Variants in FAM53B observed in about 807,000 individuals in gnomAD.
FAM53B encodes the protein protein FAM53B.
In FAM53B, 12 loss-of-function variants were observed where a neutral mutation model predicts 32.7. That is an observed-to-expected ratio of 0.37 (90% CI 0.24 to 0.59). The LOEUF (loss-of-function observed/expected upper bound fraction) is 0.59. Among genes scored for constraint, FAM53B ranks in the 20% least tolerant of loss-of-function variants. FAM53B has a pLI of 0.72. For synonymous variants in FAM53B, 234 were observed against 228.7 expected (o/e 1.02, Z -0.21); for missense variants, 477 against 577.7 (o/e 0.83, Z 1.79).
At chr10:124,668,429 T>C (rs1412225438) in intron 4 of FAM53B, among the ~76,000 whole-genome samples, 2 of 152,268 alleles carry the variant, frequency 1.3e-5, no homozygotes, top group Non-Finnish European at 2.9e-5. Flanking sequence ...TAGATTACAG[T>C]GAGATGGAAA....
At chr10:124,639,686 C>G (rs1358998948) in intron 4 of FAM53B, among the ~76,000 whole-genome samples, 1 of 152,164 alleles carries the variant, frequency 6.6e-6, no homozygotes, top group African/African-American at 2.4e-5. Context: ...CCCCCCCTTT[C>G]TATATTTTCC....
chr10:124,715,362 C>A (rs530601724), intron 1 of FAM53B, among the ~76,000 whole-genome samples: 1 of 152,280 alleles, frequency 6.6e-6, no homozygotes, highest in Non-Finnish European at 1.5e-5. Flanking sequence ...GGTGGGTAAC[C>A]TGCAGAGGGT....
chr10:124,656,944 C>T (rs1468977058), intron 4 of FAM53B, among the ~76,000 whole-genome samples: 4 of 151,332 alleles, frequency 2.6e-5, no homozygotes, highest in South Asian at 2.1e-4. Flanking sequence ...ATGTAAATGA[C>T]GAGTTAATGG....
chr10:124,665,245 A>G (rs536757888), intron 4 of FAM53B, among the ~76,000 whole-genome samples: 103 of 152,240 alleles, frequency 6.8e-4, no homozygotes, highest in Non-Finnish European at 1.3e-3. Flanking sequence ...AAACTTGTCT[A>G]TCACCTGAGT....
At chr10:124,711,471 G>T (rs1034982249) in intron 1 of FAM53B, among the ~76,000 whole-genome samples, 1 of 152,072 alleles carries the variant, frequency 6.6e-6, no homozygotes, top group Non-Finnish European at 1.5e-5. Flanking sequence ...GGGACAGCGA[G>T]TAAGGGATAT....
intron 4 of FAM53B, among the ~76,000 whole-genome samples, chr10:124,636,550 C>G (rs1949433326): frequency 6.6e-6 from 1 of 152,158 alleles, no homozygotes; most frequent in Non-Finnish European, 1.5e-5. Flanking sequence ...CCCAGGAAAA[C>G]ACTGTTTTGC....
intron 2 of FAM53B, among the ~76,000 whole-genome samples, chr10:124,702,102 A>G (rs1311970821): frequency 6.6e-6 from 1 of 152,092 alleles, no homozygotes; most frequent in Non-Finnish European, 1.5e-5. Context: ...CTCTGTGACT[A>G]AGGCCTGACT....
intron 2 of FAM53B, among the ~76,000 whole-genome samples, chr10:124,705,953 C>T (rs536039243): frequency 1.3e-5 from 2 of 152,252 alleles, no homozygotes; most frequent in Admixed American, 6.5e-5. Context: ...CCCATCTCCA[C>T]AAGACTGCTT....
intron 2 of FAM53B, chr10:124,703,653 G>C (rs1211882336): frequency 2.0e-5 from 3 of 152,738 alleles, no homozygotes; most frequent in Non-Finnish European, 4.4e-5. Flanking sequence ...CTCATCTGGA[G>C]CCAAGGGGAG....
rs1949869570 is a variant in FAM53B at position 124,696,265 on chromosome 10, G to A, written c.79-53C>T. ...TCTTCAAATCATAGGAAGCATGTTTGCACTGACTCTACTGATCCCTTCTAA... is the reference window on the plus strand; with the variant it reads ...TCTTCAAATCATAGGAAGCATGTTTACACTGACTCTACTGATCCCTTCTAA... On this transcript the variant is annotated intron_variant, in intron 2 of 4. Transcript: ENST00000337318. 1.8e-5 allele frequency: 26 copies of A among 1,447,266 alleles called. No homozygotes were observed. The South Asian group carries it at 2.9e-4, about 16-fold the overall frequency. The allele number at this position is 1,447,266 out of a possible 1,614,324, so 89.7% of individuals were successfully genotyped here.
At chr10:124,692,993 T>G (rs1214151828) in intron 3 of FAM53B, among the ~76,000 whole-genome samples, 4 of 152,142 alleles carry the variant, frequency 2.6e-5, no homozygotes, top group South Asian at 2.1e-4. Flanking sequence ...TCCCCAGCTC[T>G]CATGGGAGAA....
intron 3 of FAM53B, among the ~76,000 whole-genome samples, chr10:124,692,212 G>A (rs1949837305): frequency 6.6e-6 from 1 of 152,148 alleles, no homozygotes; most frequent in Non-Finnish European, 1.5e-5. Flanking sequence ...TGCAGGGCTG[G>A]CTGGGCAGCA....
At chr10:124,671,166 C>A (rs1330628645) in intron 4 of FAM53B, 8 of 453,886 alleles carry the variant, frequency 1.8e-5, no homozygotes, top group Middle Eastern at 3.2e-4. Flanking sequence ...CCTGCAGGAG[C>A]AATCTGCTCC....
intron 4 of FAM53B, among the ~76,000 whole-genome samples, chr10:124,674,748 G>GTGGTGAGGCCTCAGC (rs1336337007): frequency 6.6e-6 from 1 of 152,070 alleles, no homozygotes; most frequent in African/African-American, 2.4e-5. Flanking sequence ...GTCCTCAGAT[G>GTGGTGAGGCCTCAGC]TGGTGAGGCC....
chr10:124,681,229 G>A (rs1949768835), intron 4 of FAM53B, among the ~76,000 whole-genome samples: 1 of 152,128 alleles, frequency 6.6e-6, no homozygotes, highest in Non-Finnish European at 1.5e-5. Context: ...CTGAACCCCA[G>A]TGTGTGTGTA....
At chr10:124,629,444 G>C (rs967433092) in intron 4 of FAM53B, among the ~76,000 whole-genome samples, 3 of 152,162 alleles carry the variant, frequency 2.0e-5, no homozygotes, top group Non-Finnish European at 4.4e-5. Context: ...TGTGTTAGAG[G>C]TCTTCATGGA....
intron 4 of FAM53B, among the ~76,000 whole-genome samples, chr10:124,662,584 G>C (rs1186737788): frequency 6.6e-6 from 1 of 152,136 alleles, no homozygotes; most frequent in East Asian, 1.9e-4. Flanking sequence ...CGGAGGCTCA[G>C]GCAGGAGGAT....
intron 4 of FAM53B, among the ~76,000 whole-genome samples, chr10:124,670,470 A>C (rs1949701454): frequency 6.6e-6 from 1 of 152,124 alleles, no homozygotes; most frequent in South Asian, 2.1e-4. Context: ...CTGCAAGGCC[A>C]ACCGTGATGG....
In FAM53B at chr10:124,682,924, C is replaced by T. The variant is rs908301581; in HGVS notation, c.134-545G>A. 6.6e-6 allele frequency among the ~76,000 whole-genome samples: 1 copy of T among 152,238 alleles called. No individual in the cohort carries two copies. Among genetic ancestry groups the T allele is most frequent in the African/African-American group, 2.4e-5 (1 of 41,454 alleles). On this transcript the variant is annotated intron_variant, in intron 3 of 4. Coordinates refer to ENST00000337318, the MANE Select transcript of FAM53B (RefSeq NM_014661.4). This position sits in a 1 kb window ranked among gnomAD's most constrained non-coding sequence, Gnocchi z 5.2. ...ACTGCCAGGTTAGTTCACCCCAATT[C>T]CACCTTGAAAGCCTTTGCTGATAAT...
Sources: allele counts gnomAD v4.1 joint callset (sites outside exome capture counted in the v4.1 genomes callset), GRCh38; gene constraint gnomAD v4.1.1; non-coding constraint Gnocchi (gnomAD v3.1); transcripts MANE v1.5; gene names NCBI Gene and HGNC (gene_info 2026-07-23, HGNC 2026-07-21).